PLXDC2: variants seen among roughly 807,000 people sequenced by gnomAD.
The protein encoded by PLXDC2 is plexin domain containing 2, also known as plexin domain-containing protein 2.
Under a neutral mutation model 68.9 loss-of-function variants are expected in PLXDC2, and 40 were observed. That is an observed-to-expected ratio of 0.58 (90% CI 0.45 to 0.76). The LOEUF (loss-of-function observed/expected upper bound fraction) is 0.76, where lower values mean the gene tolerates loss of function less well. Among genes scored for constraint, PLXDC2 ranks in the 30% least tolerant of loss-of-function variants. PLXDC2 has a pLI of 0.00. For synonymous variants in PLXDC2, 243 were observed against 234.2 expected, an observed-to-expected ratio of 1.04 and a Z score of -0.34; for missense variants, 644 against 661.9, an observed-to-expected ratio of 0.97 and a Z score of 0.30.
intron 1 of PLXDC2, among the ~76,000 whole-genome samples, chr10:19,853,142 G>C (rs1837152259): frequency 1.3e-5 from 2 of 152,156 alleles, no homozygotes; most frequent in Admixed American, 6.5e-5. Flanking sequence ...TGAAGGAAGG[G>C]ACAAGGTATC....
intron 3 of PLXDC2, among the ~76,000 whole-genome samples, chr10:20,054,396 TATGG>T (rs371869910): frequency 1.3e-5 from 2 of 151,726 alleles, no homozygotes; most frequent in African/African-American, 2.4e-5. Context: ...GATGCGTAAA[TATGG>T]ATGGATGGAT....
At chr10:20,078,597 A>G (rs1023293801) in intron 4 of PLXDC2, among the ~76,000 whole-genome samples, 1 of 152,234 alleles carries the variant, frequency 6.6e-6, no homozygotes, top group Non-Finnish European at 1.5e-5. Flanking sequence ...TTTTAGAAAT[A>G]CACAGCAATG....
At chr10:19,872,053 T>A (rs1837548431) in intron 1 of PLXDC2, among the ~76,000 whole-genome samples, 1 of 152,178 alleles carries the variant, frequency 6.6e-6, no homozygotes, top group Non-Finnish European at 1.5e-5. Context: ...ATTGAATGAA[T>A]GAAAGGCACC....
chr10:20,148,002 AAATCATTTTC>A, intron 6 of PLXDC2, 100 bp downstream of exon 6: 1 of 829,070 alleles, frequency 1.2e-6, no homozygotes, highest in South Asian at 1.6e-5. Context: ...CATGATCCTC[AAATCATTTTC>A]TTGCCTCTTG....
intron 1 of PLXDC2, among the ~76,000 whole-genome samples, chr10:19,846,838 G>A (rs1348919757): frequency 6.6e-6 from 1 of 152,080 alleles, no homozygotes; most frequent in Non-Finnish European, 1.5e-5. Context: ...ACCAGAGACT[G>A]GGTAATTTAT....
At chr10:19,982,906 A>T (rs1456049027) in intron 1 of PLXDC2, among the ~76,000 whole-genome samples, 1 of 152,200 alleles carries the variant, frequency 6.6e-6, no homozygotes, top group Non-Finnish European at 1.5e-5. Flanking sequence ...CTGAAAGTCC[A>T]TTTATTTCTA....
intron 1 of PLXDC2, among the ~76,000 whole-genome samples, chr10:19,874,782 AG>A (rs1392523756): frequency 6.6e-6 from 1 of 152,218 alleles, no homozygotes; most frequent in Non-Finnish European, 1.5e-5. Flanking sequence ...TTTCAGTTAA[AG>A]GGATCAGAAG....
chr10:20,066,782 G>A (rs184112414), intron 3 of PLXDC2, among the ~76,000 whole-genome samples: 2 of 152,086 alleles, frequency 1.3e-5, no homozygotes, highest in African/African-American at 2.4e-5. Flanking sequence ...GCAATTATTT[G>A]CAAAATGGGA....
intron 1 of PLXDC2, among the ~76,000 whole-genome samples, chr10:19,869,929 A>G (rs1837502008): frequency 6.6e-6 from 1 of 152,212 alleles, no homozygotes; most frequent in African/African-American, 2.4e-5. Flanking sequence ...AAAGCCTTTA[A>G]TAAGTCATTA....
chr10:19,914,584 A>G (rs1833333234), intron 1 of PLXDC2, among the ~76,000 whole-genome samples: 1 of 152,228 alleles, frequency 6.6e-6, no homozygotes, highest in African/African-American at 2.4e-5. Context: ...CAAAGCATTT[A>G]TAGCATAGTA....
At chr10:19,819,325 A>G (rs145384460) in intron 1 of PLXDC2, among the ~76,000 whole-genome samples, 1 of 152,370 alleles carries the variant, frequency 6.6e-6, no homozygotes, top group East Asian at 1.9e-4. Context: ...TTTTATAAAC[A>G]GAAGTAGCTT....
chr10:20,004,477 G>A lies in PLXDC2; in HGVS notation c.324+2491G>A, dbSNP rs181170651. Among the ~76,000 whole-genome samples, 15 of 152,258 alleles carry A rather than the reference G, an allele frequency of 9.9e-5. No individual in the cohort carries two copies. In the East Asian group the frequency reaches 2.1e-3, roughly 22 times the overall value. On this transcript the variant is annotated intron_variant, in intron 2 of 13. Transcript: ENST00000377252. Reference sequence around the variant, plus strand: ...TTAGCTGGGGTGCAGCATCAAGAAAGGAGAACTGAATAGAAGCAGAGGCGT... The same window carrying A: ...TTAGCTGGGGTGCAGCATCAAGAAAAGAGAACTGAATAGAAGCAGAGGCGT...
At chr10:20,278,057 GT>G (rs1223651127) in intron 13 of PLXDC2, among the ~76,000 whole-genome samples, 1 of 152,154 alleles carries the variant, frequency 6.6e-6, no homozygotes, top group Non-Finnish European at 1.5e-5. Context: ...ACTCCTTTGT[GT>G]TTATGTACCA....
At chr10:20,216,315 T>G (rs1835136967) in intron 10 of PLXDC2, among the ~76,000 whole-genome samples, 1 of 152,110 alleles carries the variant, frequency 6.6e-6, no homozygotes, top group African/African-American at 2.4e-5. Context: ...CTAAAACATT[T>G]TCCACTACAG....
chr10:20,225,921 T>C (rs1055715946), intron 12 of PLXDC2, among the ~76,000 whole-genome samples: 1 of 152,222 alleles, frequency 6.6e-6, no homozygotes, highest in Non-Finnish European at 1.5e-5. Context: ...GAGATTCTTG[T>C]TAAAATGCAT....
intron 12 of PLXDC2, among the ~76,000 whole-genome samples, chr10:20,230,850 T>G (rs892491500): frequency 6.7e-6 from 1 of 149,786 alleles, no homozygotes; most frequent in Non-Finnish European, 1.5e-5. Flanking sequence ...CCTGGAGGGT[T>G]TTTTTTTTCA....
intron 1 of PLXDC2, among the ~76,000 whole-genome samples, chr10:19,934,799 G>A (rs1029002039): frequency 1.3e-5 from 2 of 152,178 alleles, no homozygotes; most frequent in African/African-American, 4.8e-5. Context: ...TTGTATAAGA[G>A]CCATCTAATC....
rs563603779 is a variant in PLXDC2 at position 20,076,470 on chromosome 10, G to T, written c.541+8231G>T. On this transcript the variant is annotated intron_variant, in intron 4 of 13. Coordinates refer to ENST00000377252, the MANE Select transcript of PLXDC2 (RefSeq NM_032812.9). Reference sequence around the variant, plus strand: ...ACCTGGTGCATAAATTTGTTGTGATGACTAAATTAATTAACATATGTTAAT... The same window carrying T: ...ACCTGGTGCATAAATTTGTTGTGATTACTAAATTAATTAACATATGTTAAT... Among the ~76,000 whole-genome samples, 15 of 152,242 alleles carry T rather than the reference G, an allele frequency of 9.9e-5. No individual in the cohort carries two copies. The South Asian group carries it at 3.1e-3, about 32-fold the overall frequency.
intron 1 of PLXDC2, among the ~76,000 whole-genome samples, chr10:19,967,112 A>G (rs1459533790): frequency 1.3e-5 from 2 of 152,228 alleles, no homozygotes; most frequent in Non-Finnish European, 2.9e-5. Context: ...ACACCATCAC[A>G]TTCCCCATCT....
Sources: allele counts gnomAD v4.1 joint callset (sites outside exome capture counted in the v4.1 genomes callset), GRCh38; gene constraint gnomAD v4.1.1; transcripts MANE v1.5; gene names NCBI Gene and HGNC (gene_info 2026-07-23, HGNC 2026-07-21).